Variants in OPCML observed in about 807,000 individuals in gnomAD.
The protein encoded by OPCML is opioid-binding protein/cell adhesion molecule.
A neutral mutation model predicts 37.8 loss-of-function variants in OPCML; 13 were observed. That is an observed-to-expected ratio of 0.34 (90% confidence interval 0.22 to 0.55). OPCML has a LOEUF of 0.55. Ranked by LOEUF, OPCML falls within the 20% of genes least tolerant of loss-of-function variation. The pLI, the probability that OPCML is intolerant of heterozygous loss-of-function variation, is 0.91. For synonymous variants in OPCML, 176 were observed against 168.8 expected (o/e 1.04, Z -0.33); for missense variants, 341 against 435.6 (o/e 0.78, Z 1.93).
At chr11:132,503,001 T>A (rs1362578427) in intron 4 of OPCML, among the ~76,000 whole-genome samples, 1 of 152,186 alleles carries the variant, frequency 6.6e-6, no homozygotes, top group African/African-American at 2.4e-5. Flanking sequence ...ATTTTACAGA[T>A]GAGAACTAGA....
intron 1 of OPCML, among the ~76,000 whole-genome samples, chr11:133,367,351 A>G (rs894276900): frequency 2.6e-5 from 4 of 152,136 alleles, no homozygotes; most frequent in Non-Finnish European, 5.9e-5. Context: ...TCCAACCGCC[A>G]TCTCCTACAA....
In OPCML at chr11:132,656,643, C is replaced by A. The variant is rs1286714754; in HGVS notation, c.379+444G>T. ...CCTAAACAGCACTCAGAGACCCCTC[C>A]AGAGCATGCATGACCAGCAACTGTG... is the stretch of plus-strand genomic sequence containing the variant. On this transcript the variant is annotated intron_variant, in intron 3 of 7. Coordinates refer to ENST00000524381, the MANE Select transcript of OPCML (RefSeq NM_001012393.5). 2.0e-5 allele frequency among the ~76,000 whole-genome samples: 3 copies of A among 152,168 alleles called. No homozygotes were observed. The East Asian group carries it at 5.8e-4, about 29-fold the overall frequency.
intron 2 of OPCML, among the ~76,000 whole-genome samples, chr11:132,723,278 C>A (rs1479389239): frequency 1.3e-5 from 2 of 152,194 alleles, no homozygotes; most frequent in Admixed American, 1.3e-4. Flanking sequence ...TATTTTTAAG[C>A]ATTCATATGG....
At chr11:133,200,879 C>A (rs1384713924) in intron 1 of OPCML, among the ~76,000 whole-genome samples, 1 of 152,122 alleles carries the variant, frequency 6.6e-6, no homozygotes, top group Admixed American at 6.5e-5. Flanking sequence ...TGGAATCCAC[C>A]TAGAAGGCCA....
chr11:133,138,896 C>A (rs948737388), intron 1 of OPCML, among the ~76,000 whole-genome samples: 1 of 152,190 alleles, frequency 6.6e-6, no homozygotes, highest in African/African-American at 2.4e-5. Context: ...CAAGTCTATT[C>A]TCCATTCATA....
chr11:132,913,975 A>T (rs1272378504), intron 2 of OPCML, among the ~76,000 whole-genome samples: 1 of 152,176 alleles, frequency 6.6e-6, no homozygotes, highest in Non-Finnish European at 1.5e-5. Context: ...TATTGGCATA[A>T]CATCCTATCA....
intron 3 of OPCML, among the ~76,000 whole-genome samples, chr11:132,649,928 T>TACACACACACACAC (rs61282644): frequency 6.8e-6 from 1 of 147,868 alleles, no homozygotes; most frequent in African/African-American, 2.5e-5. Flanking sequence ...CACGCACTGT[T>TACACACACACACAC]ACACACACAC....
At chr11:132,426,768 G>A (rs1417022211) in intron 7 of OPCML, among the ~76,000 whole-genome samples, 1 of 152,256 alleles carries the variant, frequency 6.6e-6, no homozygotes, top group Admixed American at 6.5e-5. Context: ...TTTGGTTGAA[G>A]GCTTAAAACA....
intron 1 of OPCML, among the ~76,000 whole-genome samples, chr11:133,314,447 T>C (rs11223433): frequency 0.63 from 95,744 of 151,394 alleles, 31,333 homozygotes; most frequent in East Asian, 0.84. Flanking sequence ...ATCTTGAAAC[T>C]TCTGTGGATA....
chr11:133,060,336 C>T (rs573275814), intron 1 of OPCML, among the ~76,000 whole-genome samples: 1 of 152,164 alleles, frequency 6.6e-6, no homozygotes, highest in Non-Finnish European at 1.5e-5. Context: ...ATGATTCCTT[C>T]TGTCCTTCAT....
intron 1 of OPCML, among the ~76,000 whole-genome samples, chr11:133,363,800 G>C (rs963142918): frequency 6.6e-6 from 1 of 152,134 alleles, no homozygotes; most frequent in Admixed American, 6.5e-5. Flanking sequence ...AAAAGAGGAG[G>C]CTCTCTCTAT....
intron 1 of OPCML, among the ~76,000 whole-genome samples, chr11:133,052,257 C>A (rs982704602): frequency 3.3e-5 from 5 of 152,138 alleles, no homozygotes; most frequent in African/African-American, 1.2e-4. Context: ...AGCTCTCCAG[C>A]TAAAATTAAA....
At chr11:132,434,808 T>TTATC (rs1266549420) in intron 7 of OPCML, among the ~76,000 whole-genome samples, 2 of 151,828 alleles carry the variant, frequency 1.3e-5, no homozygotes, top group Non-Finnish European at 2.9e-5. Context: ...ACTGAGACAG[T>TTATC]TATCTATTAA....
rs1179680389 is a variant in OPCML, at chr11:132,539,842, G to A, written c.380-10656C>T. Among the ~76,000 whole-genome samples, 13 of 151,898 alleles carry A rather than the reference G, an allele frequency of 8.6e-5. No homozygotes were observed. The East Asian group carries it at 2.3e-3, about 27-fold the overall frequency. On this transcript the variant is annotated intron_variant, in intron 3 of 7. Coordinates refer to ENST00000524381, the MANE Select transcript of OPCML (RefSeq NM_001012393.5). ...GCTGACGGTGATGATGATGTTGAGGGTAATAAGGGTGGTGAAGATAGTGAT... is the reference window on the plus strand; with the variant it reads ...GCTGACGGTGATGATGATGTTGAGGATAATAAGGGTGGTGAAGATAGTGAT...
intron 1 of OPCML, among the ~76,000 whole-genome samples, chr11:133,284,388 C>G (rs566347543): frequency 6.6e-6 from 1 of 151,252 alleles, no homozygotes; most frequent in African/African-American, 2.4e-5. Flanking sequence ...AAAGCAAAAG[C>G]GGGTGTTTGG....
intron 1 of OPCML, among the ~76,000 whole-genome samples, chr11:133,055,161 C>T (rs545799032): frequency 3.6e-4 from 53 of 147,736 alleles, no homozygotes; most frequent in Non-Finnish European, 6.1e-4. Flanking sequence ...AGGGAGCCGC[C>T]TCTACCATAT....
intron 1 of OPCML, among the ~76,000 whole-genome samples, chr11:133,186,002 C>T (rs1938055798): frequency 6.6e-6 from 1 of 152,020 alleles, no homozygotes; most frequent in Non-Finnish European, 1.5e-5. Flanking sequence ...ATGGTATGAC[C>T]ATGTTTCTGG....
intron 4 of OPCML, among the ~76,000 whole-genome samples, chr11:132,465,112 A>G (rs1326274505): frequency 6.6e-6 from 1 of 152,180 alleles, no homozygotes; most frequent in African/African-American, 2.4e-5. Flanking sequence ...AAGATACATC[A>G]TAATTTATTT....
chr11:132,790,247 T>C (rs953347247), intron 2 of OPCML, among the ~76,000 whole-genome samples: 2 of 152,190 alleles, frequency 1.3e-5, no homozygotes, highest in African/African-American at 2.4e-5. Context: ...GGCTGATTAA[T>C]GGGTACGAGC....
Sources: gnomAD v4.1 joint callset for allele counts (sites outside exome capture counted in the v4.1 genomes callset) on GRCh38, gnomAD v4.1.1 for gene constraint, MANE v1.5 for transcripts, NCBI Gene and HGNC (gene_info 2026-07-23, HGNC 2026-07-21) for gene names.